MYO1D: variants seen among roughly 807,000 people sequenced by gnomAD.
The protein encoded by MYO1D is unconventional myosin-Id.
A neutral mutation model predicts 122.0 loss-of-function variants in MYO1D; 83 were observed. The ratio of observed to expected loss-of-function variants is 0.68; its 90% CI spans 0.57 to 0.82. The LOEUF (loss-of-function observed/expected upper bound fraction) is 0.82. MYO1D is among the 40% of genes least tolerant of loss of function. The pLI is 0.00. For missense variants in MYO1D, 1,157 were observed against 1,269.5 expected (o/e 0.91, Z 1.35); for synonymous variants, 464 against 446.9 (o/e 1.04, Z -0.48).
intron 20 of MYO1D, among the ~76,000 whole-genome samples, chr17:32,634,371 A>G (rs1410305381): frequency 2.0e-5 from 3 of 152,222 alleles, no homozygotes; most frequent in Non-Finnish European, 4.4e-5. Flanking sequence ...TGCTCCACCC[A>G]GTGTGGAAAG....
intron 16 of MYO1D, among the ~76,000 whole-genome samples, chr17:32,688,985 G>C (rs892036852): frequency 2.0e-5 from 3 of 152,028 alleles, no homozygotes; most frequent in Admixed American, 6.6e-5. Context: ...GCATGTAAGA[G>C]AGTAGAACAA....
At chr17:32,677,647 C>G (rs1221363390) in intron 16 of MYO1D, among the ~76,000 whole-genome samples, 1 of 143,978 alleles carries the variant, frequency 6.9e-6, no homozygotes, top group African/African-American at 2.6e-5. Flanking sequence ...AAATACATTA[C>G]TTGATTGCAA....
At chr17:32,870,525 T>C (rs2091169253) in intron 1 of MYO1D, among the ~76,000 whole-genome samples, 1 of 151,554 alleles carries the variant, frequency 6.6e-6, no homozygotes, top group Admixed American at 6.6e-5. Flanking sequence ...GCCTTTCTTC[T>C]AATCTATAAC....
At chr17:32,730,621 C>T (rs976767046) in intron 14 of MYO1D, among the ~76,000 whole-genome samples, 3 of 152,112 alleles carry the variant, frequency 2.0e-5, no homozygotes, top group African/African-American at 7.2e-5. Context: ...CGTTTATTTT[C>T]TCTCAGCCTA....
chr17:32,664,880 T>C (rs772935109), intron 16 of MYO1D, among the ~76,000 whole-genome samples: 2 of 152,224 alleles, frequency 1.3e-5, no homozygotes, highest in Non-Finnish European at 2.9e-5. Flanking sequence ...GCAGTGGCTA[T>C]TTCCCTGAGC....
chr17:32,749,083 AATG>A (rs1598063036), intron 11 of MYO1D, 77 bp from the exon 12 acceptor site: 9 of 1,240,346 alleles, frequency 7.3e-6, no homozygotes, highest in Admixed American at 1.7e-5. Context: ...CTTAATATGA[AATG>A]ATGATAATAT....
intron 16 of MYO1D, among the ~76,000 whole-genome samples, chr17:32,661,276 A>C (rs2088560996): frequency 6.6e-6 from 1 of 152,214 alleles, no homozygotes. Context: ...CCTTCTCTTC[A>C]TCCTTCTAAA....
chr17:32,810,807 A>T (rs2090564165), intron 1 of MYO1D, among the ~76,000 whole-genome samples: 1 of 152,096 alleles, frequency 6.6e-6, no homozygotes, highest in African/African-American at 2.4e-5. Context: ...TCCACTTATC[A>T]CAATTTCCTC....
chr17:32,834,779 C>T (rs975167589), intron 1 of MYO1D, among the ~76,000 whole-genome samples: 1 of 152,158 alleles, frequency 6.6e-6, no homozygotes, highest in African/African-American at 2.4e-5. Flanking sequence ...TTCGGAAGGC[C>T]GAGGCGGGCA....
intron 16 of MYO1D, among the ~76,000 whole-genome samples, chr17:32,696,892 CTA>C (rs2089180317): frequency 6.6e-6 from 1 of 152,220 alleles, no homozygotes; most frequent in Admixed American, 6.5e-5. Context: ...AGTTAACCCA[CTA>C]TAATGTCAAG....
At chr17:32,619,445 T>C (rs1174037198) in intron 20 of MYO1D, among the ~76,000 whole-genome samples, 1 of 152,192 alleles carries the variant, frequency 6.6e-6, no homozygotes, top group East Asian at 1.9e-4. Context: ...GTCTCATCTA[T>C]TTGGGAGGTA....
At chr17:32,815,125 G>C (rs1037777175) in intron 1 of MYO1D, among the ~76,000 whole-genome samples, 1 of 152,156 alleles carries the variant, frequency 6.6e-6, no homozygotes, top group African/African-American at 2.4e-5. Flanking sequence ...GTTATGGATG[G>C]TAAAATACTG....
chr17:32,755,230 T>A (rs1384110265), intron 11 of MYO1D, among the ~76,000 whole-genome samples: 2 of 152,362 alleles, frequency 1.3e-5, no homozygotes, highest in South Asian at 2.1e-4. Context: ...TAAAGAATCA[T>A]GCTCATTTTT....
intron 1 of MYO1D, among the ~76,000 whole-genome samples, chr17:32,824,066 CAAAAAAA>C (rs58786179): frequency 6.5e-5 from 6 of 92,532 alleles, no homozygotes; most frequent in Admixed American, 3.7e-4. Flanking sequence ...GACTCCGTCT[CAAAAAAA>C]AAAAAAAAAA....
intron 14 of MYO1D, among the ~76,000 whole-genome samples, chr17:32,723,920 A>G (rs1357155531): frequency 2.0e-5 from 3 of 152,126 alleles, no homozygotes; most frequent in Admixed American, 2.0e-4. Flanking sequence ...CAACCCTTTC[A>G]TTAGATATTA....
At chr17:32,825,233 C>T (rs144998480) in intron 1 of MYO1D, among the ~76,000 whole-genome samples, 1 of 152,180 alleles carries the variant, frequency 6.6e-6, no homozygotes, top group African/African-American at 2.4e-5. Flanking sequence ...ACTTTATAAA[C>T]ACAGGGTATT....
In MYO1D at chr17:32,649,942, G is replaced by A. The variant is rs371029862; in HGVS notation, c.2595+3901C>T. Among the ~76,000 whole-genome samples the A allele has an allele frequency of 4.2e-3, 639 of 152,174 alleles. 5 individuals carry two copies. Among genetic ancestry groups the A allele is most frequent in the African/African-American group, 0.012 (490 of 41,506 alleles). Reference sequence around the variant, plus strand: ...ATTGCTTTCACCTGTTGGTTATTATGAATTATGCTGCCATAAACATTGGTA... The same window carrying A: ...ATTGCTTTCACCTGTTGGTTATTATAAATTATGCTGCCATAAACATTGGTA... On this transcript the variant is annotated intron_variant, in intron 19 of 21. Transcript: ENST00000318217.
intron 1 of MYO1D, among the ~76,000 whole-genome samples, chr17:32,828,140 A>G (rs2090738926): frequency 6.6e-6 from 1 of 152,210 alleles, no homozygotes; most frequent in Admixed American, 6.5e-5. Context: ...GGCAGGCATT[A>G]TTTTCCAGAA....
intron 14 of MYO1D, among the ~76,000 whole-genome samples, chr17:32,725,179 A>G (rs189123686): frequency 6.6e-6 from 1 of 152,298 alleles, no homozygotes. Context: ...AAAATATAAT[A>G]AAGGAAATTA....
Sources: gnomAD v4.1 joint callset for allele counts (sites outside exome capture counted in the v4.1 genomes callset) on GRCh38, gnomAD v4.1.1 for gene constraint, MANE v1.5 for transcripts, NCBI Gene and HGNC (gene_info 2026-07-23, HGNC 2026-07-21) for gene names.